DLC1: variants seen among roughly 807,000 people sequenced by gnomAD.
DLC1 encodes rho GTPase-activating protein 7.
In DLC1, 54 loss-of-function variants were observed where a neutral mutation model predicts 140.3. The ratio of observed to expected loss-of-function variants is 0.38; its 90% CI spans 0.31 to 0.48. The LOEUF (loss-of-function observed/expected upper bound fraction) is 0.48, where lower values mean the gene tolerates loss of function less well. Ranked by LOEUF, DLC1 falls within the 20% of genes least tolerant of loss-of-function variation. DLC1 has a pLI of 0.96. For missense variants in DLC1, 2,536 were observed against 1,907.0 expected, an observed-to-expected ratio of 1.33 and a Z score of -6.14; for synonymous variants, 986 against 728.1, an observed-to-expected ratio of 1.35 and a Z score of -5.70.
chr8:13,402,500 A>G (rs766522671), intron 2 of DLC1, among the ~76,000 whole-genome samples: 2 of 152,250 alleles, frequency 1.3e-5, no homozygotes, highest in African/African-American at 4.8e-5. Flanking sequence ...TTCAAAAGCA[A>G]CATCTACAGA....
intron 1 of DLC1, among the ~76,000 whole-genome samples, chr8:13,511,323 CT>C (rs5889448): frequency 0.024 from 3,663 of 150,172 alleles, 177 homozygotes; most frequent in African/African-American, 0.084. Flanking sequence ...TATCTTTCAC[CT>C]TTTTTTTTGG....
At chr8:13,403,504 T>A (rs1837387388) in intron 2 of DLC1, among the ~76,000 whole-genome samples, 1 of 152,230 alleles carries the variant, frequency 6.6e-6, no homozygotes, top group South Asian at 2.1e-4. Context: ...CAAAGTTGTG[T>A]TTGGCAACTT....
At chr8:13,271,122 C>A (rs1830915145) in intron 5 of DLC1, among the ~76,000 whole-genome samples, 1 of 152,144 alleles carries the variant, frequency 6.6e-6, no homozygotes, top group Non-Finnish European at 1.5e-5. Flanking sequence ...AAAACAGTAT[C>A]ATTTAACTTA....
At chr8:13,185,855 T>A (rs1826341416) in intron 5 of DLC1, among the ~76,000 whole-genome samples, 1 of 152,146 alleles carries the variant, frequency 6.6e-6, no homozygotes, top group South Asian at 2.1e-4. Context: ...GTGACAAAAA[T>A]CTCTCAGCAT....
intron 4 of DLC1, among the ~76,000 whole-genome samples, chr8:13,375,027 ATTTTT>A (rs35721536): frequency 7.5e-6 from 1 of 134,094 alleles, no homozygotes; most frequent in African/African-American, 2.9e-5. Context: ...AATGCTTGTG[ATTTTT>A]TTTTTTTTTT....
chr8:13,474,629 G>A (rs999955754), intron 2 of DLC1, among the ~76,000 whole-genome samples: 1 of 152,308 alleles, frequency 6.6e-6, no homozygotes, highest in East Asian at 1.9e-4. Flanking sequence ...AAAGCCACAT[G>A]GGCGGAGCCA....
intron 5 of DLC1, among the ~76,000 whole-genome samples, chr8:13,297,505 A>C (rs930316015): frequency 1.3e-5 from 2 of 151,998 alleles, no homozygotes; most frequent in African/African-American, 4.8e-5. Context: ...AAGACTCTAC[A>C]TTTGGCTTTG....
At chr8:13,438,422 C>G (rs1215558762) in intron 2 of DLC1, among the ~76,000 whole-genome samples, 2 of 152,068 alleles carry the variant, frequency 1.3e-5, no homozygotes, top group Non-Finnish European at 2.9e-5. Flanking sequence ...TCTCTGCAAT[C>G]AGTTTTGAAA....
intron 5 of DLC1, among the ~76,000 whole-genome samples, chr8:13,175,657 G>A (rs1321988578): frequency 6.6e-6 from 1 of 152,132 alleles, no homozygotes; most frequent in Non-Finnish European, 1.5e-5. Context: ...CCAAGAAATT[G>A]ACTGGCATAA....
intron 1 of DLC1, among the ~76,000 whole-genome samples, chr8:13,551,991 ATG>A (rs557902519): frequency 7.7e-5 from 11 of 143,626 alleles, no homozygotes; most frequent in Non-Finnish European, 1.5e-4. Context: ...GTGTATATAT[ATG>A]TGTGTGTGTG....
intron 5 of DLC1, among the ~76,000 whole-genome samples, chr8:13,124,390 A>G (rs1328337986): frequency 6.6e-6 from 1 of 152,250 alleles, no homozygotes; most frequent in African/African-American, 2.4e-5. Flanking sequence ...GGGAAGCAGA[A>G]GTGTTGGGAG....
intron 5 of DLC1, among the ~76,000 whole-genome samples, chr8:13,287,705 G>A (rs1211860059): frequency 1.3e-5 from 2 of 152,154 alleles, no homozygotes; most frequent in Admixed American, 6.6e-5. Context: ...GGAATTTTGT[G>A]CACATTGAGT....
intron 4 of DLC1, among the ~76,000 whole-genome samples, chr8:13,372,024 C>G (rs895039664): frequency 6.6e-6 from 1 of 152,094 alleles, no homozygotes; most frequent in Admixed American, 6.6e-5. Context: ...AATGCATTCA[C>G]CAAACACATT....
intron 5 of DLC1, among the ~76,000 whole-genome samples, chr8:13,184,538 G>A (rs1462673814): frequency 6.6e-6 from 1 of 152,144 alleles, no homozygotes; most frequent in African/African-American, 2.4e-5. Context: ...CTTTATTTCT[G>A]CCTTCATTTC....
chr8:13,348,570 A>G (rs73203953), intron 4 of DLC1, among the ~76,000 whole-genome samples: 5,422 of 152,256 alleles, frequency 0.036, 147 homozygotes, highest in South Asian at 0.098. Context: ...CTTTTTGACG[A>G]CCATCTTTAG....
intron 1 of DLC1, among the ~76,000 whole-genome samples, chr8:13,568,802 G>T (rs1012036804): frequency 6.6e-6 from 1 of 152,186 alleles, no homozygotes; most frequent in Non-Finnish European, 1.5e-5. Flanking sequence ...ATGTAAAGAT[G>T]ATTTAGTCAT....
chr8:13,305,612 C>A (rs920745478), intron 4 of DLC1, among the ~76,000 whole-genome samples: 1 of 152,070 alleles, frequency 6.6e-6, no homozygotes, highest in African/African-American at 2.4e-5. Context: ...CAGAGACAGG[C>A]GGATCGTTGA....
At chr8:13,396,302 G>A (rs867126379) in intron 3 of DLC1, among the ~76,000 whole-genome samples, 11 of 152,028 alleles carry the variant, frequency 7.2e-5, no homozygotes, top group South Asian at 2.1e-4. Flanking sequence ...CTCGTGATCC[G>A]TCCGTCTCAG....
chr8:13,450,423 C>G (rs562095161), intron 2 of DLC1, among the ~76,000 whole-genome samples: 1 of 138,780 alleles, frequency 7.2e-6, no homozygotes. Context: ...CCACTGCACT[C>G]CAGCCTGGGC....
Sources: allele counts gnomAD v4.1 joint callset (sites outside exome capture counted in the v4.1 genomes callset), GRCh38; gene constraint gnomAD v4.1.1; transcripts MANE v1.5; gene names NCBI Gene and HGNC (gene_info 2026-07-23, HGNC 2026-07-21).